Variants in HDAC4 observed in about 807,000 individuals in gnomAD.
HDAC4 encodes the protein histone deacetylase 4.
A neutral mutation model predicts 135.1 loss-of-function variants in HDAC4; 16 were observed. The observed-to-expected ratio is 0.12, with a 90% confidence interval of 0.08 to 0.18. HDAC4 has a LOEUF of 0.18. Ranked by LOEUF, HDAC4 falls within the 10% of genes least tolerant of loss-of-function variation. HDAC4 has a pLI of 1.00. For synonymous variants in HDAC4, 685 were observed against 653.4 expected (o/e 1.05, Z -0.74); for missense variants, 1,143 against 1,511.8 (o/e 0.76, Z 4.05).
In HDAC4 at chr2:239,051,918, A is replaced by C. The variant is rs1328100654; in HGVS notation, c.*1179T>G. The C allele has an allele frequency of 1.3e-5, 2 of 151,506 alleles. No individual in the cohort carries two copies. Among genetic ancestry groups the C allele is most frequent in the African/African-American group, 2.4e-5 (1 of 41,400 alleles). The allele number at this position is 151,506 out of a possible 1,614,324, so 9.4% of individuals were successfully genotyped here. A position where few individuals can be genotyped will look rare whatever the true frequency, so the allele number is the denominator to read the frequency against. ...TATCAAGATTTCATAAGAATCAAGT[A>C]AGTTTCTTAGCTTGGAATACATTGG... On this transcript the variant is annotated 3_prime_UTR_variant, in exon 27 of 27. Transcript: ENST00000543185.
chr2:239,180,999 G>A (rs139903072), intron 4 of HDAC4, among the ~76,000 whole-genome samples: 67 of 152,366 alleles, frequency 4.4e-4, no homozygotes, highest in African/African-American at 1.5e-3. Flanking sequence ...CACAGGAATC[G>A]CTTGGAGTCC....
chr2:239,389,338 C>T (rs981973454), intron 1 of HDAC4, among the ~76,000 whole-genome samples: 3 of 152,140 alleles, frequency 2.0e-5, no homozygotes, highest in African/African-American at 2.4e-5. Context: ...TCTTTGGGTC[C>T]GCACTACCTT....
intron 19 of HDAC4, among the ~76,000 whole-genome samples, chr2:239,084,824 C>CA (rs2035756202): frequency 1.3e-5 from 2 of 150,836 alleles, no homozygotes; most frequent in Non-Finnish European, 3.0e-5. Context: ...CAGATAGAGA[C>CA]ACACACACCA....
chr2:239,172,931 T>C (rs1325855400), intron 5 of HDAC4, among the ~76,000 whole-genome samples: 1 of 152,126 alleles, frequency 6.6e-6, no homozygotes, highest in African/African-American at 2.4e-5. Flanking sequence ...ATATTTCTTT[T>C]AAAAAAATAC....
chr2:239,399,217 A>G (rs775414012), intron 1 of HDAC4, among the ~76,000 whole-genome samples: 26 of 152,242 alleles, frequency 1.7e-4, no homozygotes, highest in Non-Finnish European at 3.4e-4. Flanking sequence ...CATATTTTTG[A>G]TATCCAAAAC....
At chr2:239,302,068 A>T (rs2052301831) in intron 2 of HDAC4, among the ~76,000 whole-genome samples, 1 of 152,206 alleles carries the variant, frequency 6.6e-6, no homozygotes, top group South Asian at 2.1e-4. Context: ...ATGGAAAATA[A>T]TCTCTAATGA....
chr2:239,100,582 T>C (rs938125390), intron 16 of HDAC4, among the ~76,000 whole-genome samples: 2 of 152,066 alleles, frequency 1.3e-5, no homozygotes, highest in Admixed American at 1.3e-4. Context: ...CCTCGGGCCC[T>C]GGGTCCTCCT....
intron 2 of HDAC4, among the ~76,000 whole-genome samples, chr2:239,295,306 C>CAAAA (rs55990119): frequency 8.6e-5 from 4 of 46,520 alleles, no homozygotes; most frequent in Non-Finnish European, 1.5e-4. Context: ...GACTCCGTCT[C>CAAAA]AAAAAAAAAA....
chr2:239,298,611 G>A, intron 2 of HDAC4: 8 of 997,936 alleles, frequency 8.0e-6, no homozygotes, highest in Non-Finnish European at 9.6e-6. Flanking sequence ...CACAGGATCA[G>A]CAGTGATAGG....
chr2:239,255,888 C>T (rs1453840004), intron 2 of HDAC4, among the ~76,000 whole-genome samples: 1 of 152,210 alleles, frequency 6.6e-6, no homozygotes, highest in African/African-American at 2.4e-5. Flanking sequence ...CAGCTACACA[C>T]TTGGGCAAAA....
intron 24 of HDAC4, among the ~76,000 whole-genome samples, chr2:239,059,435 G>C (rs534221883): frequency 2.7e-4 from 41 of 152,278 alleles, no homozygotes; most frequent in African/African-American, 8.7e-4. Context: ...CCAAGTTCGG[G>C]GGGGTACACA....
chr2:239,067,256 C>T (rs929748801), intron 23 of HDAC4, among the ~76,000 whole-genome samples: 2 of 152,172 alleles, frequency 1.3e-5, no homozygotes, highest in African/African-American at 4.8e-5. Context: ...GCACAGGCTG[C>T]ATGTGCTCCT....
chr2:239,059,575 G>T (rs996481897), intron 24 of HDAC4, among the ~76,000 whole-genome samples: 1 of 152,114 alleles, frequency 6.6e-6, no homozygotes, highest in African/African-American at 2.4e-5. Context: ...AGACATTTCT[G>T]GTAAAATGTA....
At chr2:239,059,629 T>C (rs1352537327) in intron 24 of HDAC4, among the ~76,000 whole-genome samples, 1 of 152,252 alleles carries the variant, frequency 6.6e-6, no homozygotes, top group Non-Finnish European at 1.5e-5. Flanking sequence ...AATAGACCTA[T>C]AACCATTAAA....
intron 2 of HDAC4, among the ~76,000 whole-genome samples, chr2:239,281,105 ACAATGTACACACCACTCT>A (rs1168538303): frequency 8.4e-5 from 11 of 130,288 alleles, no homozygotes; most frequent in Non-Finnish European, 1.3e-4. Context: ...CACTCTACAC[ACAATGTACACACCACTCT>A]CAATGTACAC....
chr2:239,081,059 G>T, intron 22 of HDAC4, 36 bp downstream of exon 22: 1 of 1,481,592 alleles, frequency 6.7e-7, no homozygotes, highest in Non-Finnish European at 9.4e-7. Flanking sequence ...AGGAAAAGCT[G>T]CTACTTCAGG....
chr2:239,204,114 C>T (rs1236464550), intron 3 of HDAC4, among the ~76,000 whole-genome samples: 1 of 152,132 alleles, frequency 6.6e-6, no homozygotes, highest in Non-Finnish European at 1.5e-5. Flanking sequence ...CCTCATATTC[C>T]TGTGTAAAGC....
rs769018811 is a variant in HDAC4, at chr2:239,378,703, T to TG, written c.-220+22274_-220+22275insC. ...GGGAACCAATGAACCCGGGAACCAATAACCCCGGGAACCAATAACCCCAGG... is the reference window on the plus strand; with the variant it reads ...GGGAACCAATGAACCCGGGAACCAATGAACCCCGGGAACCAATAACCCCAGG... On this transcript the variant is annotated intron_variant, in intron 1 of 26. Transcript: ENST00000543185. Among the ~76,000 whole-genome samples the TG allele has an allele frequency of 9.0e-4, 137 of 151,686 alleles. 1 individual carries two copies. The highest frequency in any genetic ancestry group is 8.1e-4 in the Non-Finnish European group (55 of 67,894).
intron 2 of HDAC4, among the ~76,000 whole-genome samples, chr2:239,326,279 T>C (rs2053467794): frequency 6.6e-6 from 1 of 152,008 alleles, no homozygotes; most frequent in African/African-American, 2.4e-5. Flanking sequence ...AAAGGACAAA[T>C]ACAAGTCCAT....
Sources: gnomAD v4.1 joint callset for allele counts (sites outside exome capture counted in the v4.1 genomes callset) on GRCh38, gnomAD v4.1.1 for gene constraint, MANE v1.5 for transcripts, NCBI Gene and HGNC (gene_info 2026-07-23, HGNC 2026-07-21) for gene names.